The following PTMA variants were observed in gnomAD, a reference collection of about 807,000 sequenced individuals.
PTMA encodes the protein prothymosin alpha, also known as gene sequence 28.
PTMA carries 4 observed loss-of-function variants against 16.9 expected under a neutral mutation model. The observed-to-expected ratio is 0.24, with a 90% confidence interval of 0.12 to 0.54. The LOEUF (loss-of-function observed/expected upper bound fraction) is 0.54, where lower values mean the gene tolerates loss of function less well. Ranked by LOEUF, PTMA falls within the 20% of genes least tolerant of loss-of-function variation. The probability of loss-of-function intolerance (pLI) is 0.95; values close to 1 mark genes in which losing one functional copy is unlikely to be tolerated. For synonymous variants in PTMA, 58 were observed against 47.9 expected (o/e 1.21, Z -0.87); for missense variants, 120 against 137.7 (o/e 0.87, Z 0.64).
At position 231,711,380 on chromosome 2, in the gene PTMA, G is replaced by A. The variant is rs750813857; in HGVS notation, c.78G>A (p.Glu26=). The A allele has an allele frequency of 3.7e-6, 6 of 1,614,172 alleles. No individual in the cohort carries two copies. Among genetic ancestry groups the A allele is most frequent in the East Asian group, 2.2e-5 (1 of 44,888 alleles). ...DLKEKKEVVE[E]AENGRDAPAN... is the part of the protein sequence containing the mutation. ...AGGAGAAGAAGGAAGTTGTGGAAGA[G>A]GCAGAAAATGGAAGAGACGCCCCTG... is the stretch of plus-strand genomic sequence containing the variant. The change falls in exon 2 of 5, where the codon GAG becomes GAA. Residue 26 remains glutamate (E), a synonymous_variant. Coordinates refer to ENST00000409115, the MANE Select transcript of PTMA (RefSeq NM_002823.5).
chr2:231,711,461 C>G, intron 2 of PTMA, 42 bp downstream of exon 2: 1 of 1,590,310 alleles, frequency 6.3e-7, no homozygotes, highest in South Asian at 1.1e-5. Flanking sequence ...AGCTACCGCC[C>G]CACAAAATTT....
In PTMA at chr2:231,712,951, TAG is replaced by T; in HGVS notation, c.*105_*106del. On this transcript the variant is annotated 3_prime_UTR_variant, in exon 5 of 5. Transcript: ENST00000409115. ...GAATCTAAACGTGGTCACCTTCGAG[TAG>T]AGAGGCCCGCCCGCCCACCGTGGGC... is the stretch of plus-strand genomic sequence containing the variant. The T allele has an allele frequency of 1.5e-6, 2 of 1,306,492 alleles. No individual in the cohort carries two copies. The highest frequency in any genetic ancestry group is 1.4e-5 in the South Asian group (1 of 71,186). The allele number at this position is 1,306,492 out of a possible 1,614,324, so 80.9% of individuals were successfully genotyped here.
chr2:231,710,637 G>A (rs892867092), intron 1 of PTMA: 7 of 455,432 alleles, frequency 1.5e-5, no homozygotes, highest in Admixed American at 1.5e-4. Flanking sequence ...GCCCGGGGCC[G>A]CGCTGCCTTT....
chr2:231,709,582 C>T (rs563457159), intron 1 of PTMA, among the ~76,000 whole-genome samples: 1 of 152,218 alleles, frequency 6.6e-6, no homozygotes, highest in Non-Finnish European at 1.5e-5. Flanking sequence ...CTCGGGGCGA[C>T]GCGGGCCAAC....
At chr2:231,710,315 T>C in intron 1 of PTMA, 8 of 1,242,584 alleles carry the variant, frequency 6.4e-6, no homozygotes, top group Non-Finnish European at 7.1e-6. Context: ...AGGGACGCAC[T>C]CGGCGGCCCC....
chr2:231,710,324 C>T (rs1171484870), intron 1 of PTMA: 3 of 1,234,264 alleles, frequency 2.4e-6, no homozygotes, highest in Non-Finnish European at 3.0e-6. Flanking sequence ...CTCGGCGGCC[C>T]CGGGCCACGT....
rs1575354812 is a variant in PTMA at position 231,713,180 on chromosome 2, T to A, written c.*329T>A. 2.1e-6 allele frequency: 1 copy of A among 474,380 alleles called. No homozygotes were observed. The highest frequency in any genetic ancestry group is 1.6e-5 in the South Asian group (1 of 61,178). 29.4% of individuals were successfully genotyped at this position (474,380 alleles called of 1,614,324 possible). A position where few individuals can be genotyped will look rare whatever the true frequency, so the allele number is the denominator to read the frequency against. On this transcript the variant is annotated 3_prime_UTR_variant, in exon 5 of 5. Coordinates refer to ENST00000409115, the MANE Select transcript of PTMA (RefSeq NM_002823.5). ...TTAGGGTCAGCCATTTTTAATGATC[T>A]CGGATGACCAAACCAGCCTTCGGAG... is the stretch of plus-strand genomic sequence containing the variant.
rs770532036 is a variant in PTMA at position 231,708,757 on chromosome 2, G to C, written c.45+6G>C. 6.2e-7 allele frequency: 1 copy of C among 1,601,984 alleles called. No individual in the cohort carries two copies. The highest frequency in any genetic ancestry group is 8.5e-7 in the Non-Finnish European group (1 of 1,179,296). On this transcript the variant is annotated splice_donor_region_variant and intron_variant, in intron 1 of 4. Transcript: ENST00000409115. ...GCTCCGAAATCACCACCAAGGTGAG[G>C]CTGGACGCCGCCCGCCCCCTCGGGG...
At chr2:231,710,011 A>G (rs931278539) in intron 1 of PTMA, 3 of 1,153,476 alleles carry the variant, frequency 2.6e-6, no homozygotes, top group Non-Finnish European at 3.3e-6. Flanking sequence ...TGGGGTGAGA[A>G]CACCGTCCCC....
At position 231,713,257 on chromosome 2, in the gene PTMA, A is replaced by C. The variant is rs1465388965; in HGVS notation, c.*406A>C. ...CTTGTGGTGTGACCATGTTCATTAT[A>C]ATCTCAAAGGAGAAAAAAAACCTTG... On this transcript the variant is annotated 3_prime_UTR_variant, in exon 5 of 5. Transcript: ENST00000409115. 6.6e-5 allele frequency: 31 copies of C among 467,320 alleles called. No individual in the cohort carries two copies. The highest frequency in any genetic ancestry group is 1.3e-4 in the Non-Finnish European group (31 of 233,474). The allele number at this position is 467,320 out of a possible 1,614,324, so 28.9% of individuals were successfully genotyped here.
intron 3 of PTMA, 26 bp downstream of exon 3, chr2:231,712,009 T>C: frequency 6.4e-7 from 1 of 1,552,766 alleles, no homozygotes; most frequent in Non-Finnish European, 8.7e-7. Flanking sequence ...TATCTTCCCC[T>C]TTTCAGGTAC....
Position 231,712,905 on chromosome 2 carries a change from C to T in PTMA, c.*54C>T. On this transcript the variant is annotated 3_prime_UTR_variant, in exon 5 of 5. Transcript: ENST00000409115. The stretch of plus-strand genomic sequence containing the variant: ...AAAAAAAAGGCCGCCGTGACCTATT[C>T]ACCCTCCACTTCCCGTCTCAGAATC... 1.3e-6 allele frequency: 2 copies of T among 1,501,542 alleles called. No individual in the cohort carries two copies. The highest frequency in any genetic ancestry group is 1.8e-6 in the Non-Finnish European group (2 of 1,114,474). The allele number at this position is 1,501,542 out of a possible 1,614,324, so 93.0% of individuals were successfully genotyped here. A position where few individuals can be genotyped will look rare whatever the true frequency, so the allele number is the denominator to read the frequency against.
In PTMA at chr2:231,711,914, G is replaced by A. The variant is rs2048523198; in HGVS notation, c.142G>A (p.Ala48Thr). The A allele has an allele frequency of 6.2e-7, 1 of 1,610,858 alleles. No individual in the cohort carries two copies. Among genetic ancestry groups the A allele is most frequent in the Non-Finnish European group, 8.5e-7 (1 of 1,178,458 alleles). ...GAATGAGGAAAATGGGGAGCAGGAGGCTGACAATGAGGTAGACGAAGAAGA... is the reference window on the plus strand; with the variant it reads ...GAATGAGGAAAATGGGGAGCAGGAGACTGACAATGAGGTAGACGAAGAAGA... The part of the protein sequence containing the change: ...NANEENGEQE[A>T]DNEVDEEEEE... The change falls in exon 3 of 5, where the codon GCT (alanine) becomes ACT (threonine). Residue 48 changes from alanine (A) to threonine (T), a missense_variant. Physicochemically the swap from Ala to Thr is moderately conservative, Grantham distance 58. Transcript: ENST00000409115.
At chr2:231,712,574 T>TTAA in intron 4 of PTMA, 58 bp downstream of exon 4, 1 of 1,558,298 alleles carries the variant, frequency 6.4e-7, no homozygotes, top group South Asian at 1.1e-5. Flanking sequence ...CACCTGCCTT[T>TTAA]AGCTGAGGTG....
chr2:231,711,931 CGAA>C lies in PTMA; in HGVS notation c.165_167del (p.Glu58del), dbSNP rs2048523448. ...AGCAGGAGGCTGACAATGAGGTAGA[CGAA>C]GAAGAGGAAGAAGGTGGGGAGGAAG... On this transcript the variant is annotated inframe_deletion, in exon 3 of 5. Transcript: ENST00000409115. 6.2e-7 allele frequency: 1 copy of C among 1,604,276 alleles called. No individual in the cohort carries two copies. The highest frequency in any genetic ancestry group is 1.1e-5 in the South Asian group (1 of 89,712).
At chr2:231,710,617 G>C (rs1022320465) in intron 1 of PTMA, 6 of 475,186 alleles carry the variant, frequency 1.3e-5, no homozygotes, top group African/African-American at 4.2e-5. Flanking sequence ...TGTGGAAAAA[G>C]TTACCGGGCG....
rs771663481 is a variant in PTMA, at chr2:231,711,871, C to A, written c.118-19C>A. 2 of 1,611,976 alleles carry A rather than the reference C, an allele frequency of 1.2e-6. No individual in the cohort carries two copies. Among genetic ancestry groups the A allele is most frequent in the East Asian group, 4.5e-5 (2 of 44,830 alleles). ...CTGGGGCCAGCTGGTAATGACATGG[C>A]CTGTTTTCTGTCGAGGAGAATGAGG... On this transcript the variant is annotated intron_variant, in intron 2 of 4. Coordinates refer to ENST00000409115, the MANE Select transcript of PTMA (RefSeq NM_002823.5).
chr2:231,711,631 G>C (rs1330423605), intron 2 of PTMA: 1 of 730,274 alleles, frequency 1.4e-6, no homozygotes, highest in Non-Finnish European at 2.2e-6. Context: ...AACAAGAATA[G>C]GTTCAGAGGA....
At chr2:231,711,511 A>G (rs1009660364) in intron 2 of PTMA, 92 bp downstream of exon 2, 68 of 1,181,704 alleles carry the variant, frequency 5.8e-5, no homozygotes, top group South Asian at 8.7e-5. Context: ...ATGTGTGTGT[A>G]TGTGTATATG....
Sources: allele counts gnomAD v4.1 joint callset (sites outside exome capture counted in the v4.1 genomes callset), GRCh38; gene constraint gnomAD v4.1.1; transcripts MANE v1.5; gene names NCBI Gene and HGNC (gene_info 2026-07-23, HGNC 2026-07-21).